The following VPS13B variants were observed in gnomAD, a reference collection of about 807,000 sequenced individuals.
VPS13B encodes the protein vacuolar protein sorting 13 homolog B.
VPS13B carries 285 observed loss-of-function variants against 426.4 expected under a neutral mutation model. The ratio of observed to expected loss-of-function variants is 0.67; its 90% CI spans 0.61 to 0.74. The LOEUF (loss-of-function observed/expected upper bound fraction) is 0.74, where lower values mean the gene tolerates loss of function less well. Ranked by LOEUF, VPS13B falls within the 30% of genes least tolerant of loss-of-function variation. The probability of loss-of-function intolerance (pLI) is 0.00; values close to 1 mark genes in which losing one functional copy is unlikely to be tolerated. For synonymous variants in VPS13B, 1,676 were observed against 1,676.4 expected (o/e 1.00, Z 0.01); for missense variants, 4,537 against 4,782.6 (o/e 0.95, Z 1.51).
chr8:99,342,776 G>A (rs1274778305), intron 19 of VPS13B, among the ~76,000 whole-genome samples: 1 of 152,088 alleles, frequency 6.6e-6, no homozygotes, highest in Non-Finnish European at 1.5e-5. Context: ...TGGGATTACT[G>A]AGCCATATGG....
chr8:99,065,082 C>T (rs573622961), intron 3 of VPS13B, among the ~76,000 whole-genome samples: 1 of 152,184 alleles, frequency 6.6e-6, no homozygotes, highest in Non-Finnish European at 1.5e-5. Context: ...ACCACCAGGC[C>T]TGCCCTAAAA....
intron 24 of VPS13B, among the ~76,000 whole-genome samples, chr8:99,472,037 GACTT>G (rs1461133977): frequency 6.6e-6 from 1 of 152,174 alleles, no homozygotes; most frequent in East Asian, 1.9e-4. Context: ...AAAAAGGCTG[GACTT>G]ACTTATTTTA....
In VPS13B at chr8:99,807,470, A is replaced by G. The variant is rs535648952; in HGVS notation, c.7942-1905A>G. Among the ~76,000 whole-genome samples the G allele has an allele frequency of 2.0e-5, 3 of 151,984 alleles. No homozygotes were observed. In the South Asian group the frequency reaches 6.2e-4, roughly 32 times the overall value. On this transcript the variant is annotated intron_variant, in intron 43 of 61. Transcript: ENST00000357162. ...GCTACTAGTCTGTCCAAAGAAAACAACTTTCTTATTTCTTTTAGTTTTGTG... is the reference window on the plus strand; with the variant it reads ...GCTACTAGTCTGTCCAAAGAAAACAGCTTTCTTATTTCTTTTAGTTTTGTG...
chr8:99,872,704 C>G (rs1201931355), intron 61 of VPS13B, among the ~76,000 whole-genome samples: 1 of 152,214 alleles, frequency 6.6e-6, no homozygotes, highest in Admixed American at 6.5e-5. Context: ...AAACTGGAGT[C>G]TGCTGGCCCT....
At chr8:99,209,391 G>A (rs1043152400) in intron 17 of VPS13B, among the ~76,000 whole-genome samples, 1 of 151,518 alleles carries the variant, frequency 6.6e-6, no homozygotes, top group Non-Finnish European at 1.5e-5. Context: ...AATTTATATT[G>A]GACTTTGTTG....
chr8:99,656,443 G>GTGAC (rs1830021106), intron 34 of VPS13B, among the ~76,000 whole-genome samples: 2 of 152,178 alleles, frequency 1.3e-5, no homozygotes, highest in South Asian at 4.1e-4. Context: ...CTTCCAATAT[G>GTGAC]AAATAGTTAT....
At chr8:99,392,089 A>C (rs1213804999) in intron 21 of VPS13B, among the ~76,000 whole-genome samples, 1 of 152,198 alleles carries the variant, frequency 6.6e-6, no homozygotes, top group Non-Finnish European at 1.5e-5. Flanking sequence ...TCGCTATGCA[A>C]ATATCCTTAA....
chr8:99,076,395 A>G (rs1401677410), intron 3 of VPS13B, among the ~76,000 whole-genome samples: 4 of 152,162 alleles, frequency 2.6e-5, no homozygotes, highest in South Asian at 2.1e-4. Context: ...TGCAGTTTAC[A>G]TCTGATTTTT....
chr8:99,191,376 C>CTTTTTTT (rs35215814), intron 16 of VPS13B, among the ~76,000 whole-genome samples: 33 of 70,950 alleles, frequency 4.7e-4, no homozygotes, highest in East Asian at 7.5e-4. Context: ...CTCTCTCTCT[C>CTTTTTTT]TTTTTTTTTT....
At chr8:99,519,330 A>C (rs981913271) in intron 29 of VPS13B, among the ~76,000 whole-genome samples, 1 of 152,204 alleles carries the variant, frequency 6.6e-6, no homozygotes, top group African/African-American at 2.4e-5. Flanking sequence ...GTGGAGAAAT[A>C]GGAACACTTT....
rs202015701 is a variant in VPS13B at position 99,442,626 on chromosome 8, C to G, written c.3436C>G (p.Leu1146Val). The G allele has an allele frequency of 9.2e-5, 149 of 1,613,538 alleles. 1 individual carries two copies. Among genetic ancestry groups the G allele is most frequent in the Non-Finnish European group, 2.5e-5 (30 of 1,179,744 alleles). The part of the protein sequence containing the change: ...EIPFVIPRPI[L>V]EEGDAFPWTI... ...TCCATTTGTTATCCCACGACCCATC[C>G]TTGAAGAAGGTATATGTTAACATTT... Residue 1146 changes from leucine (L) to valine (V), a missense_variant, in exon 23 of 62, where the codon CTT becomes GTT. Physicochemically the swap from Leu to Val is conservative, Grantham distance 32. Transcript: ENST00000357162.
At chr8:99,543,089 G>T (rs1409038423) in intron 30 of VPS13B, among the ~76,000 whole-genome samples, 3 of 152,166 alleles carry the variant, frequency 2.0e-5, no homozygotes, top group Non-Finnish European at 4.4e-5. Flanking sequence ...AACCAAAGCA[G>T]CATGGTACTG....
At chr8:99,696,730 G>A (rs1186334959) in intron 35 of VPS13B, 1 of 1,002,966 alleles carries the variant, frequency 1.0e-6, no homozygotes, top group African/African-American at 1.6e-5. Flanking sequence ...TTTCCCAGAA[G>A]ATCCGGGGGA....
At chr8:99,258,807 C>G (rs1817894599) in intron 17 of VPS13B, among the ~76,000 whole-genome samples, 1 of 151,918 alleles carries the variant, frequency 6.6e-6, no homozygotes, top group African/African-American at 2.4e-5. Flanking sequence ...TAGTCATAAC[C>G]AAATCCAGTC....
At chr8:99,337,742 A>G (rs866152773) in intron 19 of VPS13B, among the ~76,000 whole-genome samples, 3 of 152,132 alleles carry the variant, frequency 2.0e-5, no homozygotes, top group Non-Finnish European at 4.4e-5. Flanking sequence ...ACATTTATCA[A>G]TTTTTTAGTG....
intron 33 of VPS13B, among the ~76,000 whole-genome samples, chr8:99,636,395 T>C (rs1479753849): frequency 6.6e-6 from 1 of 152,012 alleles, no homozygotes; most frequent in Non-Finnish European, 1.5e-5. Context: ...TAATTAGCCA[T>C]TGTGGAACTA....
chr8:99,656,400 G>A (rs1830019583), intron 34 of VPS13B, among the ~76,000 whole-genome samples: 1 of 152,170 alleles, frequency 6.6e-6, no homozygotes, highest in Non-Finnish European at 1.5e-5. Flanking sequence ...AGATTCCTAT[G>A]ACTTGAATAC....
At chr8:99,512,912 G>A (rs1451165103) in intron 29 of VPS13B, among the ~76,000 whole-genome samples, 1 of 151,954 alleles carries the variant, frequency 6.6e-6, no homozygotes, top group African/African-American at 2.4e-5. Flanking sequence ...GGGAGGCTGA[G>A]GTGGGATAAT....
intron 21 of VPS13B, among the ~76,000 whole-genome samples, chr8:99,411,000 T>A (rs949981584): frequency 6.6e-6 from 1 of 152,226 alleles, no homozygotes; most frequent in Non-Finnish European, 1.5e-5. Flanking sequence ...TCTTTGCTGT[T>A]GTGAATAGTG....
Sources: allele counts gnomAD v4.1 joint callset (sites outside exome capture counted in the v4.1 genomes callset), GRCh38; gene constraint gnomAD v4.1.1; transcripts MANE v1.5; gene names NCBI Gene and HGNC (gene_info 2026-07-23, HGNC 2026-07-21).